APOBR: variants seen among roughly 807,000 people sequenced by gnomAD.
The protein encoded by APOBR is apolipoprotein B receptor, also known as apoB-48R.
A neutral mutation model predicts 88.5 loss-of-function variants in APOBR; 57 were observed. The observed-to-expected ratio is 0.64, with a 90% CI of 0.52 to 0.80. The LOEUF is 0.80. Among genes scored for constraint, APOBR ranks in the 30% least tolerant of loss-of-function variants. The probability of loss-of-function intolerance (pLI) is 0.00; values close to 1 mark genes in which losing one functional copy is unlikely to be tolerated. For missense variants in APOBR, 1,443 were observed against 1,401.6 expected (o/e 1.03, Z -0.47); for synonymous variants, 588 against 572.7 (o/e 1.03, Z -0.38).
chr16:28,495,228 G>A lies in APOBR; in HGVS notation c.187G>A (p.Ala63Thr). The change falls in exon 2 of 4, where the codon GCC (alanine) becomes ACC (threonine). Residue 63 changes from alanine (A) to threonine (T), a missense_variant. Transcript: ENST00000564831. ...GACAGGGAAGATTGTAGAGGAGGAA[G>A]CCCAGGAGGACCTGGAGGGCCTTAG... ...GKTGKIVEEEAQEDLEGLRGS... is the reference protein window; with the variant it reads ...GKTGKIVEEETQEDLEGLRGS... The A allele has an allele frequency of 6.5e-7, 1 of 1,549,204 alleles. No individual in the cohort carries two copies. The highest frequency in any genetic ancestry group is 8.7e-7 in the Non-Finnish European group (1 of 1,151,496).
rs199962755 is a variant in APOBR, at chr16:28,496,735, A to T, written c.1694A>T (p.Glu565Val). ...AGCGTCACCAAAGGCCAAGGACCTG[A>T]GCTGATGGGGGGCGCCCAGACCCCA... ...THSVTKGQGPELMGGAQTPTK... is the reference protein window; with the variant it reads ...THSVTKGQGPVLMGGAQTPTK... The change falls in exon 2 of 4, where the codon GAG becomes GTG. Residue 565 changes from glutamate to valine, a missense_variant. Coordinates refer to ENST00000564831, the MANE Select transcript of APOBR (RefSeq NM_018690.4). The T allele has an allele frequency of 2.7e-5, 43 of 1,594,070 alleles. No homozygotes were observed. The highest frequency in any genetic ancestry group is 3.3e-5 in the Non-Finnish European group (39 of 1,170,816).
Position 28,497,177 on chromosome 16 carries a change from G to T in APOBR, c.2136G>T (p.Gly712=). The change falls in exon 2 of 4, where the codon GGG becomes GGT. Residue 712 remains glycine (G), a synonymous_variant. Coordinates refer to ENST00000564831, the MANE Select transcript of APOBR (RefSeq NM_018690.4). ...ELDGSTGADA[G]PCPSLGEAYA... Reference sequence around the variant, plus strand: ...ACGGAAGCACAGGGGCAGACGCAGGGCCTTGCCCGTCACTGGGAGAGGCCT... The same window carrying T: ...ACGGAAGCACAGGGGCAGACGCAGGTCCTTGCCCGTCACTGGGAGAGGCCT... The T allele has an allele frequency of 6.2e-7, 1 of 1,602,296 alleles. No homozygotes were observed. The highest frequency in any genetic ancestry group is 8.5e-7 in the Non-Finnish European group (1 of 1,175,028).
rs1048099043 is a variant in APOBR, at chr16:28,497,147, G to A, written c.2106G>A (p.Glu702=). The change falls in exon 2 of 4, where the codon GAG becomes GAA. Residue 702 remains glutamate (E), a synonymous_variant. Coordinates refer to ENST00000564831, the MANE Select transcript of APOBR (RefSeq NM_018690.4). The part of the protein sequence containing the change: ...EGEASVSENQ[E]LDGSTGADAG... ...AGGCATCTGTCTCAGAGAACCAGGAGCTGGACGGAAGCACAGGGGCAGACG... is the reference window on the plus strand; with the variant it reads ...AGGCATCTGTCTCAGAGAACCAGGAACTGGACGGAAGCACAGGGGCAGACG... The A allele has an allele frequency of 6.2e-7, 1 of 1,606,592 alleles. No individual in the cohort carries two copies. Among genetic ancestry groups the A allele is most frequent in the African/African-American group, 1.3e-5 (1 of 74,964 alleles).
In APOBR at chr16:28,495,080, T is replaced by C. The variant is rs2046378416; in HGVS notation, c.58-19T>C. 1.3e-6 allele frequency: 2 copies of C among 1,482,848 alleles called. No homozygotes were observed. The highest frequency in any genetic ancestry group is 2.6e-5 in the Admixed American group (1 of 39,154). The allele number at this position is 1,482,848 out of a possible 1,614,324, so 91.9% of individuals were successfully genotyped here. A position where few individuals can be genotyped will look rare whatever the true frequency, so the allele number is the denominator to read the frequency against. On this transcript the variant is annotated intron_variant, in intron 1 of 3. Coordinates refer to ENST00000564831, the MANE Select transcript of APOBR (RefSeq NM_018690.4). ...GACTCTCCTCAATGACTCTCCCCTCTCTCTCTCTTTTTTCCTAGGATTCCC... is the reference window on the plus strand; with the variant it reads ...GACTCTCCTCAATGACTCTCCCCTCCCTCTCTCTTTTTTCCTAGGATTCCC...
rs751019345 is a variant in APOBR, at chr16:28,498,141, AGAAGCTCCTCACAG to A, written c.3017_3030del (p.Arg1006ThrfsTer26). 89 of 1,598,586 alleles carry A rather than the reference AGAAGCTCCTCACAG, an allele frequency of 5.6e-5. No individual in the cohort carries two copies. The highest frequency in any genetic ancestry group is 6.8e-5 in the Non-Finnish European group (80 of 1,178,464). ...CCCAAGGAGTCGCGTGCACCTCTCG[AGAAGCTCCTCACAG>A]CGTCGCTCCCGGCCCTCTTTTCGTC... On this transcript the variant is annotated frameshift_variant, in exon 3 of 4. Coordinates refer to ENST00000564831, the MANE Select transcript of APOBR (RefSeq NM_018690.4). LOFTEE classifies it high-confidence loss of function.
At position 28,496,657 on chromosome 16, in the gene APOBR, C is replaced by G. The variant is rs777439097; in HGVS notation, c.1616C>G (p.Ala539Gly). The change falls in exon 2 of 4, where the codon GCG becomes GGG. Residue 539 changes from alanine to glycine, a missense_variant. By Grantham distance (60) the Ala-to-Gly change is moderately conservative. Coordinates refer to ENST00000564831, the MANE Select transcript of APOBR (RefSeq NM_018690.4). ...EEELTGEESE[A>G]AQTSCGLLGV... Reference sequence around the variant, plus strand: ...GAGCTCACAGGGGAGGAGAGTGAGGCGGCCCAGACTAGCTGTGGCCTACTG... The same window carrying G: ...GAGCTCACAGGGGAGGAGAGTGAGGGGGCCCAGACTAGCTGTGGCCTACTG... 17 of 1,601,786 alleles carry G rather than the reference C, an allele frequency of 1.1e-5. No individual in the cohort carries two copies. The highest frequency in any genetic ancestry group is 1.3e-5 in the Non-Finnish European group (15 of 1,173,498).
chr16:28,497,178 C>T lies in APOBR; in HGVS notation c.2137C>T (p.Pro713Ser), dbSNP rs1340350760. The T allele has an allele frequency of 2.5e-6, 4 of 1,601,530 alleles. No homozygotes were observed. The highest frequency in any genetic ancestry group is 3.4e-6 in the Non-Finnish European group (4 of 1,174,762). Residue 713 changes from proline (P) to serine (S), a missense_variant, in exon 2 of 4, where the codon CCT (proline) becomes TCT (serine). Coordinates refer to ENST00000564831, the MANE Select transcript of APOBR (RefSeq NM_018690.4). ...LDGSTGADAG[P>S]CPSLGEAYAR... ...CGGAAGCACAGGGGCAGACGCAGGG[C>T]CTTGCCCGTCACTGGGAGAGGCCTA...
In APOBR at chr16:28,496,286, GGA is replaced by G. The variant is rs1407594773; in HGVS notation, c.1253_1254del (p.Glu418GlyfsTer2). On this transcript the variant is annotated frameshift_variant, in exon 2 of 4. Transcript: ENST00000564831. LOFTEE classifies it high-confidence loss of function. Reference protein sequence around the residue: ...VWVLEEEGDEEREAEVSPFPK... With the variant: ...VWVLEEEGDEXREAEVSPFPK... ...GGGTCCTAGAGGAGGAGGGGGATGA[GGA>G]GAGAGAGGCTGAGGTGAGCCCTTTC... 3 of 1,597,886 alleles carry G rather than the reference GGA, an allele frequency of 1.9e-6. No homozygotes were observed. Among genetic ancestry groups the G allele is most frequent in the East Asian group, 2.2e-5 (1 of 44,782 alleles).
In APOBR at chr16:28,497,849, G is replaced by T; in HGVS notation, c.2808G>T (p.Glu936Asp). ...GGRRAEAKETEPESLEHVRGQ... is the reference protein window; with the variant it reads ...GGRRAEAKETDPESLEHVRGQ... Reference sequence around the variant, plus strand: ...GGAGGGCAGAGGCCAAGGAGACTGAGCCAGAAAGCCTGGAACATGTCAGGG... The same window carrying T: ...GGAGGGCAGAGGCCAAGGAGACTGATCCAGAAAGCCTGGAACATGTCAGGG... Residue 936 changes from glutamate (E) to aspartate (D), a missense_variant, in exon 2 of 4, where the codon GAG becomes GAT. Physicochemically the swap from Glu to Asp is conservative, Grantham distance 45. Coordinates refer to ENST00000564831, the MANE Select transcript of APOBR (RefSeq NM_018690.4). 4.3e-6 allele frequency: 7 copies of T among 1,611,076 alleles called. No individual in the cohort carries two copies. Among genetic ancestry groups the T allele is most frequent in the Non-Finnish European group, 5.9e-6 (7 of 1,178,692 alleles).
Position 28,496,899 on chromosome 16 carries a change from T to C in APOBR, c.1858T>C (p.Phe620Leu). The change falls in exon 2 of 4, where the codon TTC becomes CTC. Residue 620 changes from phenylalanine to leucine, a missense_variant. Transcript: ENST00000564831. The stretch of plus-strand genomic sequence containing the variant: ...TGTAAAGCCTGAGGCCTCCGAGGCC[T>C]TCCCAGGAGCCTGGGAAAACCGCAC... ...GSVKPEASEA[F>L]PGAWENRTRK... is the part of the protein sequence containing the mutation. The C allele has an allele frequency of 6.4e-7, 1 of 1,560,078 alleles. No homozygotes were observed. The highest frequency in any genetic ancestry group is 8.7e-7 in the Non-Finnish European group (1 of 1,152,664).
rs751205001 is a variant in APOBR, at chr16:28,497,553, G to A, written c.2512G>A (p.Gly838Arg). The change falls in exon 2 of 4, where the codon GGA (glycine) becomes AGA (arginine). Residue 838 changes from glycine to arginine, a missense_variant. Coordinates refer to ENST00000564831, the MANE Select transcript of APOBR (RefSeq NM_018690.4). Reference protein sequence around the residue: ...AFESREGGPWGGRVEAEESAG... With the variant: ...AFESREGGPWRGRVEAEESAG... ...TGAGTCCAGGGAGGGAGGACCTTGG[G>A]GAGGGCGGGTAGAGGCCGAGGAATC... 1.0e-5 allele frequency: 16 copies of A among 1,607,270 alleles called. No homozygotes were observed. Among genetic ancestry groups the A allele is most frequent in the African/African-American group, 1.3e-5 (1 of 74,680 alleles).
In APOBR at chr16:28,495,808, C is replaced by A; in HGVS notation, c.767C>A (p.Ala256Asp). The change falls in exon 2 of 4, where the codon GCC becomes GAC. Residue 256 changes from alanine (A) to aspartate (D), a missense_variant. Transcript: ENST00000564831. The stretch of plus-strand genomic sequence containing the variant: ...GAAGAGGTGGTAGTGGTGGAGAAGG[C>A]CTGTGAAAGCACTAGGGCATGGGGG... The part of the protein sequence containing the change: ...KGEEVVVVEK[A>D]CESTRAWGTW... 6.2e-7 allele frequency: 1 copy of A among 1,600,754 alleles called. No individual in the cohort carries two copies. The highest frequency in any genetic ancestry group is 8.5e-7 in the Non-Finnish European group (1 of 1,174,180).
At position 28,495,298 on chromosome 16, in the gene APOBR, A is replaced by G. The variant is rs1046260145; in HGVS notation, c.257A>G (p.Asp86Gly). Residue 86 changes from aspartate (D) to glycine (G), a missense_variant, in exon 2 of 4, where the codon GAT becomes GGT. Physicochemically the swap from Asp to Gly is moderately conservative, Grantham distance 94. Transcript: ENST00000564831. ...GCTGGAAGGCTGAGAGGGCCTGGAGATGACAGAAGACATGAAGTGGGGAGC... is the reference window on the plus strand; with the variant it reads ...GCTGGAAGGCTGAGAGGGCCTGGAGGTGACAGAAGACATGAAGTGGGGAGC... ...EGAGRLRGPG[D>G]DRRHEVGSSA... 9.1e-6 allele frequency: 14 copies of G among 1,536,410 alleles called. No individual in the cohort carries two copies. Among genetic ancestry groups the G allele is most frequent in the Non-Finnish European group, 1.2e-5 (14 of 1,142,016 alleles).
Position 28,498,578 on chromosome 16 carries a change from G to T in APOBR, c.*73G>T, listed in dbSNP as rs2046411750. 2.0e-6 allele frequency: 3 copies of T among 1,491,074 alleles called. No individual in the cohort carries two copies. In the South Asian group the frequency reaches 3.7e-5, roughly 18 times the overall value. The allele number at this position is 1,491,074 out of a possible 1,614,324, so 92.4% of individuals were successfully genotyped here. A position where few individuals can be genotyped will look rare whatever the true frequency, so the allele number is the denominator to read the frequency against. ...GCTTGCTCCAATGCCACTGAGCCCTGCTCCCTCTGCCACTGTGGACACATC... is the reference window on the plus strand; with the variant it reads ...GCTTGCTCCAATGCCACTGAGCCCTTCTCCCTCTGCCACTGTGGACACATC... On this transcript the variant is annotated 3_prime_UTR_variant, in exon 4 of 4. Transcript: ENST00000564831.
rs749269402 is a variant in APOBR at position 28,496,516 on chromosome 16, A to G, written c.1475A>G (p.Glu492Gly). ...RARMEELVQA[E>G]EAQEERGSSR... ...AGGATGGAAGAGCTGGTACAGGCAGAGGAGGCCCAGGAGGAGAGAGGGAGC... is the reference window on the plus strand; with the variant it reads ...AGGATGGAAGAGCTGGTACAGGCAGGGGAGGCCCAGGAGGAGAGAGGGAGC... The change falls in exon 2 of 4, where the codon GAG (glutamate) becomes GGG (glycine). Residue 492 changes from glutamate to glycine, a missense_variant. Glu to Gly is a moderately conservative substitution (Grantham distance 98, BLOSUM62 -2). Transcript: ENST00000564831. The G allele has an allele frequency of 2.5e-6, 4 of 1,579,058 alleles. No individual in the cohort carries two copies. The South Asian group carries it at 3.5e-5, about 14-fold the overall frequency.
At position 28,496,881 on chromosome 16, in the gene APOBR, C is replaced by T; in HGVS notation, c.1840C>T (p.Pro614Ser). The change falls in exon 2 of 4, where the codon CCT (proline) becomes TCT (serine). Residue 614 changes from proline (P) to serine (S), a missense_variant. By Grantham distance (74) the Pro-to-Ser change is moderately conservative. Transcript: ENST00000564831. Reference sequence around the variant, plus strand: ...TCCCAGGCACGCGGGGTCTGTAAAGCCTGAGGCCTCCGAGGCCTTCCCAGG... The same window carrying T: ...TCCCAGGCACGCGGGGTCTGTAAAGTCTGAGGCCTCCGAGGCCTTCCCAGG... ...AGPRHAGSVK[P>S]EASEAFPGAW... The T allele has an allele frequency of 6.4e-7, 1 of 1,560,564 alleles. No homozygotes were observed. Among genetic ancestry groups the T allele is most frequent in the African/African-American group, 1.4e-5 (1 of 73,538 alleles).
chr16:28,495,310 A>G lies in APOBR; in HGVS notation c.269A>G (p.His90Arg), dbSNP rs1264652176. ...RLRGPGDDRR[H>R]EVGSSAVEQT... Reference sequence around the variant, plus strand: ...AGAGGGCCTGGAGATGACAGAAGACATGAAGTGGGGAGCTCAGCTGTAGAA... The same window carrying G: ...AGAGGGCCTGGAGATGACAGAAGACGTGAAGTGGGGAGCTCAGCTGTAGAA... Residue 90 changes from histidine to arginine, a missense_variant, in exon 2 of 4, where the codon CAT (histidine) becomes CGT (arginine). Physicochemically the swap from His to Arg is conservative, Grantham distance 29. Transcript: ENST00000564831. The G allele has an allele frequency of 1.3e-6, 2 of 1,542,106 alleles. No homozygotes were observed. Among genetic ancestry groups the G allele is most frequent in the Non-Finnish European group, 8.7e-7 (1 of 1,144,546 alleles).
chr16:28,496,182 G>A lies in APOBR; in HGVS notation c.1141G>A (p.Ala381Thr), dbSNP rs1033625937. Residue 381 changes from alanine (A) to threonine (T), a missense_variant, in exon 2 of 4, where the codon GCT (alanine) becomes ACT (threonine). Physicochemically the swap from Ala to Thr is moderately conservative, Grantham distance 58 (BLOSUM62 0). Coordinates refer to ENST00000564831, the MANE Select transcript of APOBR (RefSeq NM_018690.4). ...CTGGACAACCTCAGGCAAAGAGGAGGCTGACCTGCTGGGAGTCAGACAGAC... is the reference window on the plus strand; with the variant it reads ...CTGGACAACCTCAGGCAAAGAGGAGACTGACCTGCTGGGAGTCAGACAGAC... Reference protein sequence around the residue: ...EAWTTSGKEEADLLGVRQTEY... With the variant: ...EAWTTSGKEETDLLGVRQTEY... 6 of 1,561,078 alleles carry A rather than the reference G, an allele frequency of 3.8e-6. No individual in the cohort carries two copies. Among genetic ancestry groups the A allele is most frequent in the Non-Finnish European group, 3.5e-6 (4 of 1,156,130 alleles).
rs967404044 is a variant in APOBR at position 28,495,774 on chromosome 16, G to A, written c.733G>A (p.Gly245Arg). ...TGAGGAGCCTGGGGCCGAAGGGGCT[G>A]GGAAAGGAGAAGAGGTGGTAGTGGT... ...ETEEPGAEGA[G>R]KGEEVVVVEK... The change falls in exon 2 of 4, where the codon GGG becomes AGG. Residue 245 changes from glycine (G) to arginine (R), a missense_variant. By Grantham distance (125) the Gly-to-Arg change is moderately radical. Coordinates refer to ENST00000564831, the MANE Select transcript of APOBR (RefSeq NM_018690.4). The A allele has an allele frequency of 6.3e-7, 1 of 1,575,590 alleles. No homozygotes were observed. Among genetic ancestry groups the A allele is most frequent in the Non-Finnish European group, 8.6e-7 (1 of 1,160,834 alleles).
Sources: gnomAD v4.1 joint callset for allele counts on GRCh38, gnomAD v4.1.1 for gene constraint, MANE v1.5 for transcripts, NCBI Gene and HGNC (gene_info 2026-07-23, HGNC 2026-07-21) for gene names.